PSME3: variants seen among roughly 807,000 people sequenced by gnomAD.
PSME3 encodes the protein proteasome activator subunit 3.
A neutral mutation model predicts 38.3 loss-of-function variants in PSME3; 7 were observed. The observed-to-expected ratio is 0.18, with a 90% CI of 0.10 to 0.34. The LOEUF is 0.34. Among genes scored for constraint, PSME3 ranks in the 10% least tolerant of loss-of-function variants. The pLI is 1.00. For missense variants in PSME3, 192 were observed against 307.6 expected (o/e 0.62, Z 2.81); for synonymous variants, 108 against 105.7 (o/e 1.02, Z -0.13).
intron 10 of PSME3, among the ~76,000 whole-genome samples, chr17:42,840,132 A>G (rs1360317239): frequency 6.7e-6 from 1 of 149,036 alleles, no homozygotes; most frequent in Non-Finnish European, 1.5e-5. Context: ...AAAAAAAAAA[A>G]TTTAGCCGGG....
At chr17:42,836,762 A>G (rs865880304) in intron 4 of PSME3, among the ~76,000 whole-genome samples, 1 of 151,992 alleles carries the variant, frequency 6.6e-6, no homozygotes, top group African/African-American at 2.4e-5. Flanking sequence ...GGGTTTCCCT[A>G]TGTTGCCCAG....
In PSME3 at chr17:42,843,318, C is replaced by T. The variant is rs996738869; in HGVS notation, c.*1740C>T. On this transcript the variant is annotated 3_prime_UTR_variant, in exon 11 of 11. Coordinates refer to ENST00000590720, the MANE Select transcript of PSME3 (RefSeq NM_005789.4). The stretch of plus-strand genomic sequence containing the variant: ...ATATGTGTGCACGCTTGGACACCCA[C>T]CTCCATGGACACCTAGCCACCCTGT... 2.0e-5 allele frequency: 3 copies of T among 152,782 alleles called. No homozygotes were observed. The highest frequency in any genetic ancestry group is 7.2e-5 in the African/African-American group (3 of 41,448). 9.5% of individuals were successfully genotyped at this position (152,782 alleles called of 1,614,324 possible). A position where few individuals can be genotyped will look rare whatever the true frequency, so the allele number is the denominator to read the frequency against.
chr17:42,839,406 A>G (rs1436242437), intron 10 of PSME3, 26 bp downstream of exon 10: 4 of 1,543,980 alleles, frequency 2.6e-6, no homozygotes, highest in Admixed American at 3.3e-5. Flanking sequence ...CCTTGTCCAT[A>G]GTTGCTGTGG....
chr17:42,840,166 G>T (rs542157635), intron 10 of PSME3, among the ~76,000 whole-genome samples: 1 of 148,404 alleles, frequency 6.7e-6, no homozygotes, highest in Non-Finnish European at 1.5e-5. Context: ...GCCTTTAATC[G>T]TAGCTACTGA....
At chr17:42,838,517 A>G (rs968724846) in intron 6 of PSME3, among the ~76,000 whole-genome samples, 1 of 152,022 alleles carries the variant, frequency 6.6e-6, no homozygotes, top group South Asian at 2.1e-4. Context: ...CATTTTGGCC[A>G]TGGTTAGCCA....
At position 42,843,066 on chromosome 17, in the gene PSME3, C is replaced by T. The variant is rs182960547; in HGVS notation, c.*1488C>T. ...CAGTGCTCCCACCCACCCTCCAGATCCCTTCCAGCTAAAACCCTTCCCCCT... is the reference window on the plus strand; with the variant it reads ...CAGTGCTCCCACCCACCCTCCAGATTCCTTCCAGCTAAAACCCTTCCCCCT... On this transcript the variant is annotated 3_prime_UTR_variant, in exon 11 of 11. Transcript: ENST00000590720. 4 of 152,844 alleles carry T rather than the reference C, an allele frequency of 2.6e-5. No homozygotes were observed. Among genetic ancestry groups the T allele is most frequent in the Admixed American group, 2.6e-4 (4 of 15,286 alleles). The allele number at this position is 152,844 out of a possible 1,614,324, so 9.5% of individuals were successfully genotyped here. A position where few individuals can be genotyped will look rare whatever the true frequency, so the allele number is the denominator to read the frequency against.
Position 42,838,817 on chromosome 17 carries a change from C to A in PSME3, c.474+18C>A. On this transcript the variant is annotated intron_variant, in intron 7 of 10. Coordinates refer to ENST00000590720, the MANE Select transcript of PSME3 (RefSeq NM_005789.4). ...CCATTCAGGTAATGTACTTGAATTA[C>A]ATACTGGGAAGAGTGGCTTGGGAGA... 6.3e-7 allele frequency: 1 copy of A among 1,581,884 alleles called. No homozygotes were observed. The highest frequency in any genetic ancestry group is 8.7e-7 in the Non-Finnish European group (1 of 1,150,848).
intron 6 of PSME3, among the ~76,000 whole-genome samples, chr17:42,838,496 C>T (rs111789933): frequency 4.6e-5 from 7 of 152,066 alleles, no homozygotes; most frequent in Non-Finnish European, 7.4e-5. Context: ...TTAGTAGAGA[C>T]GGGGTTTCAC....
chr17:42,834,128 G>A (rs2055432836), intron 1 of PSME3: 1 of 1,464,894 alleles, frequency 6.8e-7, no homozygotes, highest in African/African-American at 1.4e-5. Flanking sequence ...GAGGGAAGGG[G>A]GAGGACAGAG....
Position 42,834,363 on chromosome 17 carries a change from G to A in PSME3, c.62G>A (p.Arg21Gln), listed in dbSNP as rs777707701. 1.9e-6 allele frequency: 3 copies of A among 1,613,874 alleles called. No individual in the cohort carries two copies. Among genetic ancestry groups the A allele is most frequent in the African/African-American group, 1.3e-5 (1 of 74,908 alleles). ...TTTTAGGTTGATTCTTTCAGGGAGC[G>A]GATCACAAGTGAGGTGAGTGAAATA... ...VKLKVDSFRE[R>Q]ITSEAEDLVA... The change falls in exon 2 of 11, where the codon CGG becomes CAG. Residue 21 changes from arginine to glutamine, a missense_variant. Around this residue, in one of 2 missense-constraint regions of PSME3, gnomAD observed 110 missense variants for 139.3 expected, o/e 0.79. Transcript: ENST00000590720.
At position 42,839,377 on chromosome 17, in the gene PSME3, A is replaced by G. The variant is rs779760503; in HGVS notation, c.681A>G (p.Gln227=). Reference sequence around the variant, plus strand: ...TCATCATATCAGAGCTGAGGAATCAATATGTGAGTAATCTCAGTCCTTGTC... The same window carrying G: ...TCATCATATCAGAGCTGAGGAATCAGTATGTGAGTAATCTCAGTCCTTGTC... ...LRLIISELRN[Q]YVTLHDMILK... Residue 227 remains glutamine, a synonymous_variant, in exon 10 of 11, where the codon CAA becomes CAG. Transcript: ENST00000590720. 8.1e-6 allele frequency: 13 copies of G among 1,597,184 alleles called. No individual in the cohort carries two copies. Among genetic ancestry groups the G allele is most frequent in the Non-Finnish European group, 1.0e-5 (12 of 1,165,564 alleles).
chr17:42,835,681 C>T (rs970280098), intron 4 of PSME3, among the ~76,000 whole-genome samples: 4 of 151,300 alleles, frequency 2.6e-5, no homozygotes, highest in Non-Finnish European at 5.9e-5. Flanking sequence ...GCTGAGATTG[C>T]GCCACTGTAC....
intron 10 of PSME3, among the ~76,000 whole-genome samples, chr17:42,840,054 A>G (rs2055512445): frequency 1.3e-5 from 2 of 150,772 alleles, no homozygotes; most frequent in African/African-American, 4.9e-5. Flanking sequence ...AGGTGGGTGG[A>G]TCACTTGAGG....
Position 42,833,590 on chromosome 17 carries a change from C to T in PSME3, c.-42C>T, listed in dbSNP as rs2055424237. The T allele has an allele frequency of 6.2e-7, 1 of 1,612,770 alleles. No homozygotes were observed. Among genetic ancestry groups the T allele is most frequent in the Admixed American group, 1.7e-5 (1 of 60,030 alleles). Reference sequence around the variant, plus strand: ...CCGGCCCCCTCCCTGGAGTCCACAGCGCCTCCGGTGTCCAGAGGATCGGAC... The same window carrying T: ...CCGGCCCCCTCCCTGGAGTCCACAGTGCCTCCGGTGTCCAGAGGATCGGAC... On this transcript the variant is annotated 5_prime_UTR_variant, in exon 1 of 11. Transcript: ENST00000590720.
chr17:42,838,493 A>T (rs1167012682), intron 6 of PSME3, among the ~76,000 whole-genome samples: 1 of 152,090 alleles, frequency 6.6e-6, no homozygotes, highest in African/African-American at 2.4e-5. Context: ...TTTTTAGTAG[A>T]GACGGGGTTT....
intron 1 of PSME3, 63 bp downstream of exon 1, chr17:42,833,736 C>CTA (rs2055427008): frequency 8.7e-6 from 14 of 1,613,952 alleles, no homozygotes; most frequent in Non-Finnish European, 1.0e-5. Context: ...TGACCGGCTT[C>CTA]CTACTCCCCA....
chr17:42,842,164 G>A lies in PSME3; in HGVS notation c.*586G>A, dbSNP rs1179754448. The A allele has an allele frequency of 6.6e-6, 1 of 152,404 alleles. No individual in the cohort carries two copies. The highest frequency in any genetic ancestry group is 1.5e-5 in the Non-Finnish European group (1 of 68,140). 9.4% of individuals were successfully genotyped at this position (152,404 alleles called of 1,614,324 possible). A position where few individuals can be genotyped will look rare whatever the true frequency, so the allele number is the denominator to read the frequency against. On this transcript the variant is annotated 3_prime_UTR_variant, in exon 11 of 11. Transcript: ENST00000590720. ...ATACCTTAGGCCTTCAGTCAATTCC[G>A]AAGCTCCTTCAGTTGTTTTTATAAT...
intron 10 of PSME3, among the ~76,000 whole-genome samples, chr17:42,841,007 C>T (rs1234461951): frequency 2.6e-5 from 4 of 151,906 alleles, no homozygotes; most frequent in Admixed American, 6.6e-5. Flanking sequence ...GTGGCAGGCG[C>T]CTGTAGTCCC....
In PSME3 at chr17:42,835,619, G is replaced by T. The variant is rs569463658; in HGVS notation, c.243+743G>T. ...GGGCCCCTGTAGTCCCAGCTACTTC[G>T]GAGGCTGAGGCAGGAGAATGGCATG... is the stretch of plus-strand genomic sequence containing the variant. On this transcript the variant is annotated intron_variant, in intron 4 of 10. Transcript: ENST00000590720. 2.0e-4 allele frequency among the ~76,000 whole-genome samples: 30 copies of T among 152,054 alleles called. No homozygotes were observed. The East Asian group carries it at 4.9e-3, about 25-fold the overall frequency.
Sources: allele counts gnomAD v4.1 joint callset (sites outside exome capture counted in the v4.1 genomes callset), GRCh38; gene constraint gnomAD v4.1.1; regional missense constraint gnomAD v4.1.1; transcripts MANE v1.5; gene names NCBI Gene and HGNC (gene_info 2026-07-23, HGNC 2026-07-21).